The following CHLSN variants were observed in gnomAD, a reference collection of about 807,000 sequenced individuals.
CHLSN encodes protein cholesin.
At chr7:1,039,560 C>A in the CHLSN span, among the ~76,000 whole-genome samples, 1 of 54,674 alleles carries the variant, frequency 1.8e-5, no homozygotes, top group Non-Finnish European at 3.2e-5. Flanking sequence ...GGGTGTCAGC[C>A]CCCCCGCCCG....
chr7:1,109,164 T>C, the CHLSN span, among the ~76,000 whole-genome samples: 3 of 152,168 alleles, frequency 2.0e-5, no homozygotes, highest in African/African-American at 7.2e-5. Flanking sequence ...CCCAAAGTGC[T>C]CGGAGCCACC....
chr7:1,082,438 G>C, the CHLSN span, among the ~76,000 whole-genome samples: 2 of 152,226 alleles, frequency 1.3e-5, no homozygotes, highest in Non-Finnish European at 2.9e-5. Flanking sequence ...TGGGCCGTTG[G>C]TCTGAGTTAC....
the CHLSN span, among the ~76,000 whole-genome samples, chr7:1,136,080 A>G: frequency 8.6e-6 from 1 of 116,630 alleles, no homozygotes; most frequent in South Asian, 2.6e-4. Flanking sequence ...ATAAGTATAT[A>G]TAAATTTATA....
At chr7:1,019,594 G>T in the CHLSN span, among the ~76,000 whole-genome samples, 2 of 152,252 alleles carry the variant, frequency 1.3e-5, no homozygotes, top group African/African-American at 4.8e-5. Context: ...AGGTGGCCGT[G>T]GGGCTGCCCT....
the CHLSN span, among the ~76,000 whole-genome samples, chr7:1,132,410 A>G: frequency 1.3e-5 from 2 of 152,166 alleles, no homozygotes; most frequent in Non-Finnish European, 2.9e-5. Flanking sequence ...AAGAAAACCC[A>G]GGCTAGGCAC....
chr7:1,080,008 C>T, the CHLSN span, among the ~76,000 whole-genome samples: 12 of 152,354 alleles, frequency 7.9e-5, no homozygotes, highest in African/African-American at 2.4e-4. Flanking sequence ...GGCTCTTGGC[C>T]GGAAACCGGC....
chr7:984,518 A>G, the CHLSN span: 1 of 1,553,334 alleles, frequency 6.4e-7, no homozygotes, highest in Non-Finnish European at 8.7e-7. Flanking sequence ...GGCCCCGGGC[A>G]GGAGCTGGCC....
chr7:1,053,838 A>G, the CHLSN span, among the ~76,000 whole-genome samples: 1 of 152,138 alleles, frequency 6.6e-6, no homozygotes, highest in Admixed American at 6.5e-5. Context: ...AAAAAACAAA[A>G]ACAAAACCAA....
chr7:1,027,418 G>A, the CHLSN span, among the ~76,000 whole-genome samples: 4 of 152,230 alleles, frequency 2.6e-5, no homozygotes, highest in South Asian at 2.1e-4. Context: ...AGCTGAGGAC[G>A]CTCCGAGGAC....
At chr7:1,088,497 G>C in the CHLSN span, among the ~76,000 whole-genome samples, 1,296 of 152,258 alleles carry the variant, frequency 8.5e-3, 69 homozygotes, top group East Asian at 0.14. The surrounding 1 kb of genome is among the most constrained non-coding windows in gnomAD (Gnocchi z 4.5). Context: ...CTCTCCCCCG[G>C]AGCTCCGGTG....
chr7:1,016,116 GCAGCACACAGCAGCACACGC>G, the CHLSN span, among the ~76,000 whole-genome samples: 105 of 59,256 alleles, frequency 1.8e-3, 4 homozygotes, highest in African/African-American at 3.7e-3. Context: ...GCAGCGCACA[GCAGCACACAGCAGCACACGC>G]CAGCACACAG....
the CHLSN span, among the ~76,000 whole-genome samples, chr7:1,070,979 C>A: frequency 6.6e-6 from 1 of 151,300 alleles, no homozygotes; most frequent in African/African-American, 2.4e-5. Context: ...CGGGCACATG[C>A]ACACGGGCAC....
At chr7:1,100,177 G>A in the CHLSN span, among the ~76,000 whole-genome samples, 3 of 152,218 alleles carry the variant, frequency 2.0e-5, no homozygotes, top group Non-Finnish European at 4.4e-5. Context: ...GCGTTCTCCT[G>A]TCCAGCCGGC....
the CHLSN span, among the ~76,000 whole-genome samples, chr7:1,136,333 T>C: frequency 3.6e-5 from 4 of 110,172 alleles, no homozygotes; most frequent in Non-Finnish European, 4.9e-5. Flanking sequence ...AATATATAAA[T>C]ATATAAACAT....
chr7:978,993 C>T, the CHLSN span, among the ~76,000 whole-genome samples: 27 of 152,296 alleles, frequency 1.8e-4, no homozygotes, highest in Middle Eastern at 3.4e-3. Flanking sequence ...GGTTCCCCTC[C>T]ACATGGGCCC....
At chr7:1,099,803 T>C in the CHLSN span, among the ~76,000 whole-genome samples, 1 of 152,190 alleles carries the variant, frequency 6.6e-6, no homozygotes, top group Non-Finnish European at 1.5e-5. Flanking sequence ...CTGTGTGCTG[T>C]TCGCAGACAC....
At chr7:1,080,153 T>C in the CHLSN span, among the ~76,000 whole-genome samples, 5 of 152,180 alleles carry the variant, frequency 3.3e-5, no homozygotes, top group Non-Finnish European at 5.9e-5. Context: ...TTTGGCAGCT[T>C]TGTATGAAGC....
At chr7:1,099,475 T>C in the CHLSN span, among the ~76,000 whole-genome samples, 1 of 152,280 alleles carries the variant, frequency 6.6e-6, no homozygotes, top group African/African-American at 2.4e-5. Context: ...CCAGCATTTA[T>C]TGTAAAGCTT....
At chr7:1,074,284 C>A in the CHLSN span, among the ~76,000 whole-genome samples, 1 of 123,260 alleles carries the variant, frequency 8.1e-6, no homozygotes, top group Admixed American at 8.4e-5. Context: ...GGCCCCCATC[C>A]CGCTGCCATC....
Sources: allele counts gnomAD v4.1 joint callset (sites outside exome capture counted in the v4.1 genomes callset), GRCh38; gene constraint gnomAD v4.1.1; non-coding constraint Gnocchi (gnomAD v3.1); transcripts MANE v1.5; gene names NCBI Gene and HGNC (gene_info 2026-07-23, HGNC 2026-07-21).